The following PLCB2 variants were observed in gnomAD, a reference collection of about 807,000 sequenced individuals.
PLCB2 encodes the protein phospholipase C beta 2.
Under a neutral mutation model 141.7 loss-of-function variants are expected in PLCB2, and 115 were observed. That is an observed-to-expected ratio of 0.81 (90% CI 0.70 to 0.95). The LOEUF is 0.95. Ranked by LOEUF, PLCB2 falls within the 40% of genes least tolerant of loss-of-function variation. PLCB2 has a pLI of 0.00. For missense variants in PLCB2, 1,403 were observed against 1,541.1 expected (o/e 0.91, Z 1.50); for synonymous variants, 603 against 595.6 (o/e 1.01, Z -0.18).
In PLCB2 at chr15:40,297,995, G is replaced by A. The variant is rs1373040504; in HGVS notation, c.1156-36C>T. On this transcript the variant is annotated intron_variant, in intron 11 of 31. Transcript: ENST00000260402. The surrounding 1 kb of genome is among the most constrained non-coding windows in gnomAD (Gnocchi z 4.2). ...AGGAGACTCCATGAACAGAAGGTCA[G>A]CGTTCCGACTGCCTGTCTCGTGATA... 6.8e-7 allele frequency: 1 copy of A among 1,469,544 alleles called. No homozygotes were observed. Among genetic ancestry groups the A allele is most frequent in the East Asian group, 2.3e-5 (1 of 43,920 alleles). The allele number at this position is 1,469,544 out of a possible 1,614,324, so 91.0% of individuals were successfully genotyped here. A position where few individuals can be genotyped will look rare whatever the true frequency, so the allele number is the denominator to read the frequency against.
At chr15:40,295,505 G>T (rs1266828639) in intron 16 of PLCB2, among the ~76,000 whole-genome samples, 2 of 147,274 alleles carry the variant, frequency 1.4e-5, no homozygotes, top group Non-Finnish European at 3.0e-5. Flanking sequence ...ACAGGGGTGG[G>T]GTGTGTGCCA....
rs1412047565 is a variant in PLCB2 at position 40,302,341 on chromosome 15, A to C, written c.381T>G (p.Ala127=). Residue 127 remains alanine, a synonymous_variant, in exon 5 of 32, where the codon GCT becomes GCG. Coordinates refer to ENST00000260402, the MANE Select transcript of PLCB2 (RefSeq NM_004573.3). ...GTTTGACTAGGGCCAGTACGTCCTCAGCCCAGGCCTGCAGGACCACAGAGA... is the reference window on the plus strand; with the variant it reads ...GTTTGACTAGGGCCAGTACGTCCTCCGCCCAGGCCTGCAGGACCACAGAGA... ...SYKENVGKAW[A]EDVLALVKHP... is the part of the protein sequence containing the mutation. The C allele has an allele frequency of 6.2e-7, 1 of 1,613,954 alleles. No homozygotes were observed. Among genetic ancestry groups the C allele is most frequent in the Non-Finnish European group, 8.5e-7 (1 of 1,179,946 alleles).
At chr15:40,284,654 A>C, downstream of PLCB2, 1 of 432,880 alleles carries the variant, frequency 2.3e-6, no homozygotes, top group Admixed American at 2.6e-5. Context: ...ATCCTGGCCA[A>C]CATGGTGAAA....
At position 40,291,814 on chromosome 15, in the gene PLCB2, G is replaced by A. The variant is rs201604955; in HGVS notation, c.2602+35C>T. 1,284 of 1,613,802 alleles carry A rather than the reference G, an allele frequency of 8.0e-4. 1 individual carries two copies. Among genetic ancestry groups the A allele is most frequent in the Non-Finnish European group, 9.7e-4 (1,145 of 1,179,832 alleles). ...AGTGCCTGTGGGTGCAGAGGTGGAG[G>A]TGCCCCCAGTAGGTGTGCGGACCGA... is the stretch of plus-strand genomic sequence containing the variant. On this transcript the variant is annotated intron_variant, in intron 24 of 31. Transcript: ENST00000260402.
intron 20 of PLCB2, 59 bp downstream of exon 20, chr15:40,293,501 G>T: frequency 1.3e-6 from 2 of 1,535,796 alleles, no homozygotes; most frequent in Admixed American, 1.7e-5. Context: ...ACTTCCTCTT[G>T]TCTGTAAGTA....
Position 40,290,629 on chromosome 15 carries a change from C to T in PLCB2, c.3157G>A (p.Glu1053Lys). Residue 1053 changes from glutamate (E) to lysine (K), a missense_variant, in exon 29 of 32, where the codon GAG becomes AAG. Physicochemically the swap from Glu to Lys is moderately conservative, Grantham distance 56. This residue lies in a region of PLCB2 where 290 missense variants were observed against 245.9 expected (regional missense o/e 1.18). Transcript: ENST00000260402. Reference protein sequence around the residue: ...MKKKLETKRLERIQGMTKVTT... With the variant: ...MKKKLETKRLKRIQGMTKVTT... ...ACTTTGGTCATGCCCTGGATCCGCTCCAGTCTCTTTGTCTCCAGCTTTTTC... is the reference window on the plus strand; with the variant it reads ...ACTTTGGTCATGCCCTGGATCCGCTTCAGTCTCTTTGTCTCCAGCTTTTTC... 1 of 1,614,174 alleles carries T rather than the reference C, an allele frequency of 6.2e-7. No individual in the cohort carries two copies. Among genetic ancestry groups the T allele is most frequent in the South Asian group, 1.1e-5 (1 of 91,084 alleles).
intron 19 of PLCB2, 93 bp from the exon 20 acceptor site, chr15:40,293,817 T>C: frequency 1.4e-5 from 18 of 1,306,494 alleles, no homozygotes; most frequent in Non-Finnish European, 1.9e-5. Context: ...AGCTGAAGCA[T>C]TCGTTCTTGG....
At chr15:40,294,891 G>T in intron 18 of PLCB2, 45 bp downstream of exon 18, 1 of 1,612,536 alleles carries the variant, frequency 6.2e-7, no homozygotes. Flanking sequence ...GGTGGGGGGC[G>T]CAGGGACCAG....
At position 40,297,932 on chromosome 15, in the gene PLCB2, C is replaced by T; in HGVS notation, c.1183G>A (p.Ala395Thr). The T allele has an allele frequency of 1.2e-6, 2 of 1,613,426 alleles. No homozygotes were observed. The highest frequency in any genetic ancestry group is 8.5e-7 in the Non-Finnish European group (1 of 1,179,412). Residue 395 changes from alanine to threonine, a missense_variant, in exon 12 of 32, where the codon GCC becomes ACC. Physicochemically the swap from Ala to Thr is moderately conservative, Grantham distance 58 (BLOSUM62 0). This residue lies in a region of PLCB2 where 975 missense variants were observed against 1,141.1 expected (regional missense o/e 0.85). Coordinates refer to ENST00000260402, the MANE Select transcript of PLCB2 (RefSeq NM_004573.3). This position sits in a 1 kb window ranked among gnomAD's most constrained non-coding sequence, Gnocchi z 4.2. ...ATGGGATAGGGGGAGGTCTTAAAGG[C>T]GCTTTCTGCAATAGCCTCAATTGCT... is the stretch of plus-strand genomic sequence containing the variant. The part of the protein sequence containing the change: ...KEAIEAIAES[A>T]FKTSPYPIIL...
At position 40,293,606 on chromosome 15, in the gene PLCB2, T is replaced by A. The variant is rs1455584179; in HGVS notation, c.2180A>T (p.Asn727Ile). The part of the protein sequence containing the change: ...RYRTKLSPST[N>I]SINPVWKEEP... ...CTCCTTCCAGACAGGATTGATGGAG[T>A]TAGTACTGGGTGACAGCTTAGTTCG... is the stretch of plus-strand genomic sequence containing the variant. The change falls in exon 20 of 32, where the codon AAC becomes ATC. Residue 727 changes from asparagine to isoleucine, a missense_variant. Around this residue, in one of 4 missense-constraint regions of PLCB2, gnomAD observed 975 missense variants for 1,141.1 expected, o/e 0.85. Transcript: ENST00000260402. The A allele has an allele frequency of 6.2e-7, 1 of 1,613,834 alleles. No individual in the cohort carries two copies. Among genetic ancestry groups the A allele is most frequent in the African/African-American group, 1.3e-5 (1 of 74,856 alleles).
intron 30 of PLCB2, 105 bp downstream of exon 30, chr15:40,289,920 A>G (rs2039764409): frequency 1.2e-6 from 1 of 857,034 alleles, no homozygotes; most frequent in South Asian, 1.3e-5. Flanking sequence ...ACCCCTTCCT[A>G]CTTGTGAAGA....
chr15:40,303,178 C>G (rs2040608539), intron 3 of PLCB2, 110 bp downstream of exon 3: 1 of 824,028 alleles, frequency 1.2e-6, no homozygotes, highest in Non-Finnish European at 2.1e-6. Flanking sequence ...GCCAAGGAAC[C>G]ATTCCCCGTG....
At position 40,303,427 on chromosome 15, in the gene PLCB2, A is replaced by C. The variant is rs899232173; in HGVS notation, c.163-71T>G. 5.9e-5 allele frequency: 61 copies of C among 1,042,184 alleles called. 2 individuals are homozygous for C. Among genetic ancestry groups the C allele is most frequent in the Admixed American group, 1.4e-4 (8 of 56,750 alleles). 64.6% of individuals were successfully genotyped at this position (1,042,184 alleles called of 1,614,324 possible). A position where few individuals can be genotyped will look rare whatever the true frequency, so the allele number is the denominator to read the frequency against. ...GGACAAAAAGTCCAGGTCAAGAATGAGCAATAGGGAGAAGGGAGCTTCCAC... is the reference window on the plus strand; with the variant it reads ...GGACAAAAAGTCCAGGTCAAGAATGCGCAATAGGGAGAAGGGAGCTTCCAC... On this transcript the variant is annotated intron_variant, in intron 2 of 31. Transcript: ENST00000260402.
chr15:40,298,684 A>T lies in PLCB2; in HGVS notation c.875T>A (p.Val292Asp), dbSNP rs746965732. The change falls in exon 10 of 32, where the codon GTC becomes GAC. Residue 292 changes from valine to aspartate, a missense_variant. By Grantham distance (152) the Val-to-Asp change is radical. This residue lies in a region of PLCB2 where 975 missense variants were observed against 1,141.1 expected (regional missense o/e 0.85). Coordinates refer to ENST00000260402, the MANE Select transcript of PLCB2 (RefSeq NM_004573.3). The stretch of plus-strand genomic sequence containing the variant: ...GTTCTCTGGCCCACAGAGAAACCAG[A>T]CCATGCCTTCAGGTGACAGCTGGCC... ...QRGQLSPEGM[V>D]WFLCGPENSV... The T allele has an allele frequency of 6.2e-7, 1 of 1,614,192 alleles. No homozygotes were observed. The highest frequency in any genetic ancestry group is 8.5e-7 in the Non-Finnish European group (1 of 1,180,024).
chr15:40,286,528 A>G (rs531896589), downstream of PLCB2, among the ~76,000 whole-genome samples: 6 of 152,278 alleles, frequency 3.9e-5, no homozygotes, highest in African/African-American at 1.4e-4. Context: ...TGAGTCAGCA[A>G]TGGAATTGGG....
At chr15:40,289,894 G>C in intron 30 of PLCB2, 131 bp downstream of exon 30, 3 of 798,634 alleles carry the variant, frequency 3.8e-6, no homozygotes, top group Admixed American at 1.8e-5. Flanking sequence ...TAAGGGCAAA[G>C]TCAGGGCCTG....
intron 18 of PLCB2, among the ~76,000 whole-genome samples, 193 bp downstream of exon 18, chr15:40,294,743 C>T (rs1415116852): frequency 6.6e-6 from 1 of 152,182 alleles, no homozygotes; most frequent in African/African-American, 2.4e-5. Flanking sequence ...TCTTTACATC[C>T]ATCATGTATG....
In PLCB2 at chr15:40,291,255, C is replaced by G; in HGVS notation, c.2870+10G>C. 6.4e-7 allele frequency: 1 copy of G among 1,573,514 alleles called. No individual in the cohort carries two copies. The highest frequency in any genetic ancestry group is 8.6e-7 in the Non-Finnish European group (1 of 1,168,098). On this transcript the variant is annotated intron_variant, in intron 26 of 31. Coordinates refer to ENST00000260402, the MANE Select transcript of PLCB2 (RefSeq NM_004573.3). Reference sequence around the variant, plus strand: ...CGCTGCAGAGGGCAGGGCACCGCCACGAGCCTTACCTCTTCTTGCGAGAGC... The same window carrying G: ...CGCTGCAGAGGGCAGGGCACCGCCAGGAGCCTTACCTCTTCTTGCGAGAGC...
In PLCB2 at chr15:40,291,402, C is replaced by T. The variant is rs1300875093; in HGVS notation, c.2733G>A (p.Glu911=). Residue 911 remains glutamate (E), a synonymous_variant, in exon 26 of 32, where the codon GAG becomes GAA. Transcript: ENST00000260402. The part of the protein sequence containing the change: ...LQRRHEKELR[E]LERRGARRWE... ...AGCGCCGCGCTCCGCGCCGCTCCAA[C>T]TCTCGCAGCTCCTTCTCGTGCCGCC... 6.5e-7 allele frequency: 1 copy of T among 1,536,216 alleles called. No homozygotes were observed. Among genetic ancestry groups the T allele is most frequent in the South Asian group, 1.2e-5 (1 of 84,140 alleles).
Sources: allele counts gnomAD v4.1 joint callset (sites outside exome capture counted in the v4.1 genomes callset), GRCh38; gene constraint gnomAD v4.1.1; regional missense constraint gnomAD v4.1.1; non-coding constraint Gnocchi (gnomAD v3.1); transcripts MANE v1.5; gene names NCBI Gene and HGNC (gene_info 2026-07-23, HGNC 2026-07-21).